PFKFB3: variants seen among roughly 807,000 people sequenced by gnomAD.
PFKFB3 encodes 6-phosphofructo-2-kinase/fructose-2,6-biphosphatase 3.
A neutral mutation model predicts 68.0 loss-of-function variants in PFKFB3; 33 were observed. The observed-to-expected ratio is 0.49, with a 90% CI of 0.37 to 0.65. PFKFB3 has a LOEUF of 0.65. PFKFB3 is among the 30% of genes least tolerant of loss of function. PFKFB3 has a pLI of 0.00. For missense variants in PFKFB3, 586 were observed against 712.2 expected, an observed-to-expected ratio of 0.82 and a Z score of 2.02; for synonymous variants, 315 against 288.2, an observed-to-expected ratio of 1.09 and a Z score of -0.94.
chr10:6,164,337 C>T (rs916749905), intron 1 of PFKFB3, among the ~76,000 whole-genome samples: 1 of 152,204 alleles, frequency 6.6e-6, no homozygotes, highest in African/African-American at 2.4e-5. Flanking sequence ...TGAACAGGGC[C>T]TGCGGTGAAT....
chr10:6,280,462 C>T, the PFKFB3 span, among the ~76,000 whole-genome samples: 1 of 152,226 alleles, frequency 6.6e-6, no homozygotes, highest in East Asian at 1.9e-4. Flanking sequence ...CAGTGGCTCT[C>T]AGTGCTCACC....
At chr10:6,241,196 C>T (rs566491253) in intron 14 of PFKFB3, among the ~76,000 whole-genome samples, 8 of 152,262 alleles carry the variant, frequency 5.3e-5, no homozygotes, top group South Asian at 2.1e-4. Flanking sequence ...TGAGCCACCG[C>T]GCCTGGCCAT....
intron 14 of PFKFB3, among the ~76,000 whole-genome samples, chr10:6,230,100 C>T (rs1008877678): frequency 1.3e-5 from 2 of 152,160 alleles, no homozygotes; most frequent in Non-Finnish European, 2.9e-5. Flanking sequence ...GTCCCCCACC[C>T]GCTAAAGCTG....
At chr10:6,226,910 AC>A (rs1845398194) in intron 14 of PFKFB3, among the ~76,000 whole-genome samples, 1 of 152,162 alleles carries the variant, frequency 6.6e-6, no homozygotes. Flanking sequence ...ACATGGCGAA[AC>A]CCTGTCTTTA....
chr10:6,190,631 A>G (rs1842996667), intron 1 of PFKFB3, among the ~76,000 whole-genome samples: 1 of 152,204 alleles, frequency 6.6e-6, no homozygotes, highest in Admixed American at 6.5e-5. Flanking sequence ...GTGAGACCCC[A>G]TCCCTACAAA....
the PFKFB3 span, among the ~76,000 whole-genome samples, chr10:6,261,796 A>T: frequency 1.2e-4 from 18 of 152,118 alleles, no homozygotes; most frequent in African/African-American, 4.3e-4. Flanking sequence ...GGAGTTCAAG[A>T]CCAGCCTGGC....
intron 1 of PFKFB3, among the ~76,000 whole-genome samples, chr10:6,182,906 A>G (rs1842759605): frequency 6.6e-6 from 1 of 152,148 alleles, no homozygotes. Flanking sequence ...CACTTGCTTC[A>G]CAGAGGGTCA....
the PFKFB3 span, among the ~76,000 whole-genome samples, chr10:6,292,235 T>G: frequency 6.7e-6 from 1 of 149,146 alleles, no homozygotes; most frequent in Non-Finnish European, 1.5e-5. Context: ...ATTACAAGTG[T>G]GAGCCACAGC....
chr10:6,299,746 C>A, the PFKFB3 span, among the ~76,000 whole-genome samples: 1 of 152,166 alleles, frequency 6.6e-6, no homozygotes, highest in African/African-American at 2.4e-5. Context: ...CCCTGGCTAA[C>A]TTCTACCCTT....
chr10:6,226,123 T>A, intron 13 of PFKFB3, 69 bp from the exon 14 acceptor site: 1 of 1,407,496 alleles, frequency 7.1e-7, no homozygotes, highest in Non-Finnish European at 9.6e-7. Flanking sequence ...GAGAAACTTT[T>A]TTGGGGCTAA....
chr10:6,162,923 G>T (rs1278820344), intron 1 of PFKFB3, among the ~76,000 whole-genome samples: 1 of 152,166 alleles, frequency 6.6e-6, no homozygotes, highest in African/African-American at 2.4e-5. Flanking sequence ...CGGAGTGTCC[G>T]TGTTTCCAGG....
intron 1 of PFKFB3, among the ~76,000 whole-genome samples, chr10:6,205,687 C>T (rs1169587380): frequency 3.9e-5 from 6 of 152,126 alleles, no homozygotes; most frequent in Admixed American, 3.3e-4. Context: ...GCCACCACGC[C>T]CAGCTGGGTG....
chr10:6,194,746 G>A (rs1843129585), intron 1 of PFKFB3, among the ~76,000 whole-genome samples: 1 of 152,190 alleles, frequency 6.6e-6, no homozygotes, highest in East Asian at 1.9e-4. Flanking sequence ...GCCTTGGAGT[G>A]ACCACCTGAT....
At chr10:6,157,469 G>T (rs934786080) in intron 1 of PFKFB3, among the ~76,000 whole-genome samples, 1 of 152,042 alleles carries the variant, frequency 6.6e-6, no homozygotes. Flanking sequence ...CTCGTGATCC[G>T]CCCGCCTCGG....
At chr10:6,206,629 G>A (rs1374069157) in intron 1 of PFKFB3, among the ~76,000 whole-genome samples, 36 of 150,974 alleles carry the variant, frequency 2.4e-4, no homozygotes, top group African/African-American at 8.6e-4. Flanking sequence ...GGGCGGAGAC[G>A]CTCCTCACAT....
At chr10:6,286,379 A>G in the PFKFB3 span, among the ~76,000 whole-genome samples, 13,333 of 149,422 alleles carry the variant, frequency 0.089, 820 homozygotes, top group Non-Finnish European at 0.13. Flanking sequence ...TTATTTTATT[A>G]TTTATTTATT....
At chr10:6,148,655 C>T (rs567981823) in intron 1 of PFKFB3, among the ~76,000 whole-genome samples, 10 of 152,142 alleles carry the variant, frequency 6.6e-5, no homozygotes, top group Admixed American at 5.9e-4. Context: ...ATTCATGAGA[C>T]GAAAAGGAGG....
At chr10:6,194,161 G>T (rs1843105712) in intron 1 of PFKFB3, among the ~76,000 whole-genome samples, 1 of 152,142 alleles carries the variant, frequency 6.6e-6, no homozygotes, top group African/African-American at 2.4e-5. Context: ...CCAGGTTGGG[G>T]TTCCTAACTC....
At chr10:6,187,949 T>TTCTATCTATCTATCTATCTATCTA (rs36144362) in intron 1 of PFKFB3, among the ~76,000 whole-genome samples, 106 of 149,670 alleles carry the variant, frequency 7.1e-4, no homozygotes, top group African/African-American at 2.1e-3. Flanking sequence ...CCCTCTCCAT[T>TTCTATCTATCTATCTATCTATCTA]TCTATCTATC....
Sources: gnomAD v4.1 joint callset for allele counts (sites outside exome capture counted in the v4.1 genomes callset) on GRCh38, gnomAD v4.1.1 for gene constraint, MANE v1.5 for transcripts, NCBI Gene and HGNC (gene_info 2026-07-23, HGNC 2026-07-21) for gene names.